The following SCAF8 variants were observed in gnomAD, a reference collection of about 807,000 sequenced individuals.
SCAF8 encodes the protein SR-related CTD associated factor 8.
In SCAF8, 23 loss-of-function variants were observed where a neutral mutation model predicts 140.5. The observed-to-expected ratio is 0.16, with a 90% CI of 0.12 to 0.23. The LOEUF is 0.23. Among genes scored for constraint, SCAF8 ranks in the 10% least tolerant of loss-of-function variants. The pLI is 1.00. For synonymous variants in SCAF8, 575 were observed against 528.9 expected (o/e 1.09, Z -1.20); for missense variants, 1,397 against 1,555.7 (o/e 0.90, Z 1.72).
chr6:154,803,402 A>C (rs933321744), intron 7 of SCAF8, 142 bp from the exon 8 acceptor site: 3 of 667,658 alleles, frequency 4.5e-6, no homozygotes. Context: ...ACACTTTATA[A>C]TAGTATAAAG....
At chr6:154,744,727 A>G (rs1296872418) in intron 1 of SCAF8, among the ~76,000 whole-genome samples, 1 of 152,190 alleles carries the variant, frequency 6.6e-6, no homozygotes, top group Non-Finnish European at 1.5e-5. Flanking sequence ...ATAATGTCCA[A>G]ATACAAATTT....
intron 1 of SCAF8, among the ~76,000 whole-genome samples, chr6:154,750,869 A>C (rs2114807197): frequency 6.6e-6 from 1 of 152,240 alleles, no homozygotes; most frequent in South Asian, 2.1e-4. Context: ...TTTATAAATG[A>C]ATTATTCTTT....
intron 5 of SCAF8, among the ~76,000 whole-genome samples, chr6:154,794,777 GGGGGTGTGTGTGT>G (rs1777542218): frequency 1.8e-5 from 1 of 54,610 alleles, no homozygotes; most frequent in African/African-American, 7.2e-5. Context: ...GGGGGGTGTG[GGGGGTGTGTGTGT>G]GTGTGTGTGT....
chr6:154,735,017 A>G (rs910208154), intron 1 of SCAF8, among the ~76,000 whole-genome samples: 8 of 151,958 alleles, frequency 5.3e-5, no homozygotes, highest in South Asian at 2.1e-4. Context: ...CCAGCTACTT[A>G]GGAGGCTGAG....
chr6:154,822,102 T>C (rs771125421), intron 15 of SCAF8, 174 bp from the exon 16 acceptor site: 2 of 505,840 alleles, frequency 4.0e-6, no homozygotes, highest in Non-Finnish European at 6.7e-6. Flanking sequence ...AACTCCATAG[T>C]ATCCTAATCA....
At chr6:154,795,880 TTAAG>T (rs1777586880) in intron 6 of SCAF8, among the ~76,000 whole-genome samples, 2 of 152,236 alleles carry the variant, frequency 1.3e-5, no homozygotes, top group South Asian at 4.1e-4. Flanking sequence ...TGTCTCTTAA[TTAAG>T]CTTTGTAGCT....
At chr6:154,808,920 A>G (rs559369616) in intron 11 of SCAF8, 122 bp downstream of exon 11, 1 of 658,964 alleles carries the variant, frequency 1.5e-6, no homozygotes, top group Non-Finnish European at 2.6e-6. Context: ...GTCTCTCGGA[A>G]AAAAAGTTAT....
intron 2 of SCAF8, among the ~76,000 whole-genome samples, chr6:154,776,856 T>C (rs1035925662): frequency 2.0e-5 from 3 of 152,212 alleles, no homozygotes; most frequent in Admixed American, 6.5e-5. Context: ...TCTAAGGGAA[T>C]GTCCTTAAAA....
At chr6:154,780,027 A>T (rs1302964398) in intron 3 of SCAF8, among the ~76,000 whole-genome samples, 3 of 152,158 alleles carry the variant, frequency 2.0e-5, no homozygotes, top group East Asian at 3.9e-4. Context: ...TTGTATATGT[A>T]TGCATTTAGT....
chr6:154,753,375 G>C (rs1349469337), intron 1 of SCAF8, among the ~76,000 whole-genome samples: 2 of 152,164 alleles, frequency 1.3e-5, no homozygotes, highest in Admixed American at 1.3e-4. Context: ...GCTGAGTCAG[G>C]AGAATCGCTT....
chr6:154,740,602 ATTTTCT>A (rs771817630), intron 1 of SCAF8, among the ~76,000 whole-genome samples: 63 of 146,618 alleles, frequency 4.3e-4, no homozygotes, highest in African/African-American at 5.8e-4. Flanking sequence ...TGAAGTAAAG[ATTTTCT>A]TTTTCTTTTT....
chr6:154,785,459 G>C (rs1229320837), intron 3 of SCAF8, among the ~76,000 whole-genome samples: 1 of 152,188 alleles, frequency 6.6e-6, no homozygotes, highest in Non-Finnish European at 1.5e-5. Context: ...TCCTCGCAAT[G>C]CATGGGTTTG....
In SCAF8 at chr6:154,831,042, G is replaced by A; in HGVS notation, c.2261G>A (p.Gly754Glu). The change falls in exon 19 of 20, where the codon GGA (glycine) becomes GAA (glutamate). Residue 754 changes from glycine (G) to glutamate (E), a missense_variant. By Grantham distance (98) the Gly-to-Glu change is moderately conservative (BLOSUM62 -2). Coordinates refer to ENST00000367178, the MANE Select transcript of SCAF8 (RefSeq NM_014892.5). ...SNLATSALPAGNVFNAPTKQA... is the reference protein window; with the variant it reads ...SNLATSALPAENVFNAPTKQA... ...CTTGCTACTTCCGCTCTGCCAGCTG[G>A]AAATGTTTTTAATGCTCCAACTAAA... The A allele has an allele frequency of 1.2e-6, 2 of 1,614,046 alleles. No individual in the cohort carries two copies. Among genetic ancestry groups the A allele is most frequent in the Non-Finnish European group, 1.7e-6 (2 of 1,179,952 alleles).
intron 1 of SCAF8, among the ~76,000 whole-genome samples, chr6:154,770,379 C>G (rs1020045625): frequency 7.1e-6 from 1 of 140,884 alleles, no homozygotes; most frequent in African/African-American, 3.0e-5. Flanking sequence ...TACACACACA[C>G]ACACACACAC....
chr6:154,758,417 C>T (rs990368064), intron 1 of SCAF8, among the ~76,000 whole-genome samples: 1 of 152,144 alleles, frequency 6.6e-6, no homozygotes, highest in Non-Finnish European at 1.5e-5. Flanking sequence ...ATACTTTCCA[C>T]TCCAGTTAGT....
At position 154,822,287 on chromosome 6, in the gene SCAF8, G is replaced by T; in HGVS notation, c.1804G>T (p.Val602Leu). 1 of 1,608,424 alleles carries T rather than the reference G, an allele frequency of 6.2e-7. No individual in the cohort carries two copies. Residue 602 changes from valine (V) to leucine (L), a missense_variant, in exon 16 of 20, where the codon GTG (valine) becomes TTG (leucine). Physicochemically the swap from Val to Leu is conservative, Grantham distance 32 (BLOSUM62 1). Transcript: ENST00000367178. ...ACTATTTTGTTTAGAGTGGGAAACT[G>T]TGAAAAGCTCAGAACCTGTTAAAGA... ...QETVNTEWET[V>L]KSSEPVKETV... is the part of the protein sequence containing the mutation.
intron 15 of SCAF8, among the ~76,000 whole-genome samples, chr6:154,821,091 G>A (rs1240843795): frequency 2.0e-5 from 3 of 151,964 alleles, no homozygotes; most frequent in Middle Eastern, 3.2e-3. Context: ...TTATTCCAGT[G>A]TATTCACTTA....
At chr6:154,784,155 A>ATATATATATTTATTTATT (rs1408182952) in intron 3 of SCAF8, among the ~76,000 whole-genome samples, 3 of 92,014 alleles carry the variant, frequency 3.3e-5, no homozygotes, top group Admixed American at 1.2e-4. Flanking sequence ...ATATATATAT[A>ATATATATATTTATTTATT]TATTTATTTA....
intron 1 of SCAF8, among the ~76,000 whole-genome samples, chr6:154,744,142 A>G (rs1332337475): frequency 6.6e-6 from 1 of 152,150 alleles, no homozygotes; most frequent in Non-Finnish European, 1.5e-5. Flanking sequence ...AAAATATAAA[A>G]ATTAGCCAGG....
Sources: allele counts gnomAD v4.1 joint callset (sites outside exome capture counted in the v4.1 genomes callset), GRCh38; gene constraint gnomAD v4.1.1; transcripts MANE v1.5; gene names NCBI Gene and HGNC (gene_info 2026-07-23, HGNC 2026-07-21).